ABCA1: variants seen among roughly 807,000 people sequenced by gnomAD.
The protein encoded by ABCA1 is ATP binding cassette subfamily A member 1.
In ABCA1, 133 loss-of-function variants were observed where a neutral mutation model predicts 262.5. That is an observed-to-expected ratio of 0.51 (90% confidence interval 0.44 to 0.59). The LOEUF (loss-of-function observed/expected upper bound fraction) is 0.59. ABCA1 is among the 20% of genes least tolerant of loss of function. ABCA1 has a pLI of 0.00. For synonymous variants in ABCA1, 1,022 were observed against 1,043.5 expected, an observed-to-expected ratio of 0.98 and a Z score of 0.40; for missense variants, 2,452 against 2,777.5, an observed-to-expected ratio of 0.88 and a Z score of 2.63.
rs1277759894 is a variant in ABCA1 at position 104,782,504 on chromosome 9, T to A, written c.*1811A>T. The A allele has an allele frequency of 6.6e-6, 1 of 152,174 alleles. No individual in the cohort carries two copies. The highest frequency in any genetic ancestry group is 1.5e-5 in the Non-Finnish European group (1 of 68,000). The allele number at this position is 152,174 out of a possible 1,614,324, so 9.4% of individuals were successfully genotyped here. On this transcript the variant is annotated 3_prime_UTR_variant, in exon 50 of 50. Coordinates refer to ENST00000374736, the MANE Select transcript of ABCA1 (RefSeq NM_005502.4). ...ATAGTTCTCTCATATTTTTCTTTTC[T>A]CTCAAGACAGTTAACAGTAAGTATT...
chr9:104,800,031 G>A (rs531334733), intron 35 of ABCA1, 43 bp from the exon 36 acceptor site: 264 of 1,612,482 alleles, frequency 1.6e-4, no homozygotes, highest in Non-Finnish European at 2.1e-4. Flanking sequence ...CCCCCAAACC[G>A]GGCTCCTGCA....
At chr9:104,887,225 C>T (rs1462355470) in intron 3 of ABCA1, among the ~76,000 whole-genome samples, 1 of 152,148 alleles carries the variant, frequency 6.6e-6, no homozygotes, top group Non-Finnish European at 1.5e-5. Flanking sequence ...TTGTAGTGAG[C>T]GGAGATTGCA....
At chr9:104,902,664 T>C (rs984041656) in intron 2 of ABCA1, among the ~76,000 whole-genome samples, 2 of 152,200 alleles carry the variant, frequency 1.3e-5, no homozygotes, top group Non-Finnish European at 1.5e-5. Flanking sequence ...AAAAAGGAAA[T>C]TTAGTGAACA....
At chr9:104,837,617 T>C in intron 9 of ABCA1, 50 bp from the exon 10 acceptor site, 2 of 1,607,106 alleles carry the variant, frequency 1.2e-6, no homozygotes, top group East Asian at 2.2e-5. Context: ...CATATACTGA[T>C]AGAAACTTAC....
At chr9:104,864,071 G>GTCTC (rs749615939) in intron 5 of ABCA1, among the ~76,000 whole-genome samples, 7 of 152,330 alleles carry the variant, frequency 4.6e-5, no homozygotes, top group African/African-American at 7.2e-5. Flanking sequence ...CTTGCATGTT[G>GTCTC]TCTCTACCAG....
intron 2 of ABCA1, among the ~76,000 whole-genome samples, chr9:104,898,768 C>T (rs79120891): frequency 0.018 from 2,779 of 152,034 alleles, 30 homozygotes; most frequent in Non-Finnish European, 0.026. Context: ...AATGGATTTC[C>T]CTATCTCTAA....
chr9:104,840,586 G>A, intron 8 of ABCA1, 67 bp from the exon 9 acceptor site: 1 of 1,467,988 alleles, frequency 6.8e-7, no homozygotes, highest in South Asian at 1.2e-5. Flanking sequence ...CAAGGGTTGG[G>A]GATGAGAAGA....
At chr9:104,826,442 T>A (rs1038566529) in intron 16 of ABCA1, among the ~76,000 whole-genome samples, 2 of 152,184 alleles carry the variant, frequency 1.3e-5, no homozygotes, top group African/African-American at 4.8e-5. Context: ...AGTGTCCAAG[T>A]CAGGAATTTG....
At position 104,789,106 on chromosome 9, in the gene ABCA1, C is replaced by A. The variant is rs1041437072; in HGVS notation, c.5928-539G>T. 2.0e-5 allele frequency among the ~76,000 whole-genome samples: 3 copies of A among 152,202 alleles called. No homozygotes were observed. The East Asian group carries it at 5.8e-4, about 29-fold the overall frequency. On this transcript the variant is annotated intron_variant, in intron 44 of 49. Transcript: ENST00000374736. Reference sequence around the variant, plus strand: ...TTCACGTTCCAGACTGATGACTGCACCTCAGCCACAGCGGCATTGCCATGA... The same window carrying A: ...TTCACGTTCCAGACTGATGACTGCAACTCAGCCACAGCGGCATTGCCATGA...
At chr9:104,833,579 C>T (rs1236446535) in intron 11 of ABCA1, among the ~76,000 whole-genome samples, 1 of 152,166 alleles carries the variant, frequency 6.6e-6, no homozygotes, top group African/African-American at 2.4e-5. Flanking sequence ...GTAGCAAAGC[C>T]AGAATGAAAG....
intron 5 of ABCA1, among the ~76,000 whole-genome samples, chr9:104,876,329 G>A (rs2067605541): frequency 6.6e-6 from 1 of 152,146 alleles, no homozygotes; most frequent in South Asian, 2.1e-4. Context: ...TTCTCAGAGG[G>A]GATGTGAGGA....
chr9:104,809,661 T>C, intron 29 of ABCA1, 97 bp from the exon 30 acceptor site: 1 of 1,112,466 alleles, frequency 9.0e-7, no homozygotes, highest in Non-Finnish European at 1.3e-6. Context: ...TAGGAAGCAT[T>C]TCTCTGTGAC....
Position 104,819,881 on chromosome 9 carries a change from C to T in ABCA1, c.3103+46G>A, listed in dbSNP as rs370537962. Reference sequence around the variant, plus strand: ...TGATTTTCCTCCGCATGTGTGTAGCCGGAGGAGGAGGGGAGAGGGATAGGG... The same window carrying T: ...TGATTTTCCTCCGCATGTGTGTAGCTGGAGGAGGAGGGGAGAGGGATAGGG... On this transcript the variant is annotated intron_variant, in intron 21 of 49. Coordinates refer to ENST00000374736, the MANE Select transcript of ABCA1 (RefSeq NM_005502.4). 2.5e-4 allele frequency: 400 copies of T among 1,609,114 alleles called. No individual in the cohort carries two copies. Among genetic ancestry groups the T allele is most frequent in the Non-Finnish European group, 3.2e-4 (374 of 1,179,848 alleles).
At position 104,785,528 on chromosome 9, in the gene ABCA1, T is replaced by C. The variant is rs1408488449; in HGVS notation, c.6513A>G (p.Lys2171=). Residue 2171 remains lysine (K), a synonymous_variant, in exon 49 of 50, where the codon AAA becomes AAG. Coordinates refer to ENST00000374736, the MANE Select transcript of ABCA1 (RefSeq NM_005502.4). Reference sequence around the variant, plus strand: ...GCTGGTATTGTAGCATGTTCCGGTGTTTCTCTTTTAGAACACTTCCAGGAA... The same window carrying C: ...GCTGGTATTGTAGCATGTTCCGGTGCTTCTCTTTTAGAACACTTCCAGGAA... ...LAFPGSVLKE[K]HRNMLQYQLP... is the part of the protein sequence containing the mutation. 3.1e-6 allele frequency: 5 copies of C among 1,614,022 alleles called. No individual in the cohort carries two copies. The East Asian group carries it at 6.7e-5, about 22-fold the overall frequency.
chr9:104,893,148 C>A (rs959169953), intron 2 of ABCA1, among the ~76,000 whole-genome samples: 2 of 151,958 alleles, frequency 1.3e-5, no homozygotes, highest in Non-Finnish European at 2.9e-5. Context: ...TGAGGCCGGG[C>A]GTGGTGGCTC....
chr9:104,831,349 C>A (rs904766953), intron 13 of ABCA1, among the ~76,000 whole-genome samples: 2 of 151,904 alleles, frequency 1.3e-5, no homozygotes, highest in Non-Finnish European at 2.9e-5. Flanking sequence ...TCCCGAGTAG[C>A]TGGGATTACA....
chr9:104,884,509 T>A lies in ABCA1; in HGVS notation c.220A>T (p.Ile74Phe). The part of the protein sequence containing the change: ...AGTLPWVQGI[I>F]CNANNPCFRY... ...AAACAGGGGTTGTTGGCATTACAGATAATCCCCTGAACCCAAGGAAGTGTT... is the reference window on the plus strand; with the variant it reads ...AAACAGGGGTTGTTGGCATTACAGAAAATCCCCTGAACCCAAGGAAGTGTT... Residue 74 changes from isoleucine (I) to phenylalanine (F), a missense_variant, in exon 4 of 50, where the codon ATC becomes TTC. Transcript: ENST00000374736. The A allele has an allele frequency of 1.2e-6, 2 of 1,614,192 alleles. No individual in the cohort carries two copies. Among genetic ancestry groups the A allele is most frequent in the Non-Finnish European group, 1.7e-6 (2 of 1,180,016 alleles).
intron 19 of ABCA1, 98 bp downstream of exon 19, chr9:104,822,398 G>T: frequency 6.6e-7 from 1 of 1,504,458 alleles, no homozygotes; most frequent in Non-Finnish European, 9.2e-7. Context: ...TCCTTCCCTT[G>T]GCCCAGGGAT....
intron 5 of ABCA1, among the ~76,000 whole-genome samples, chr9:104,882,054 A>C (rs1452677687): frequency 2.7e-5 from 4 of 147,032 alleles, no homozygotes; most frequent in Non-Finnish European, 6.0e-5. Flanking sequence ...AAAAAAAAAA[A>C]AAACTCAAAT....
Sources: allele counts gnomAD v4.1 joint callset (sites outside exome capture counted in the v4.1 genomes callset), GRCh38; gene constraint gnomAD v4.1.1; transcripts MANE v1.5; gene names NCBI Gene and HGNC (gene_info 2026-07-23, HGNC 2026-07-21).